THAP5: variants seen among roughly 807,000 people sequenced by gnomAD.
THAP5 encodes THAP domain-containing protein 5.
A neutral mutation model predicts 34.0 loss-of-function variants in THAP5; 26 were observed. The observed-to-expected ratio is 0.77, with a 90% confidence interval of 0.56 to 1.06. The LOEUF is 1.06. THAP5 is among the 50% of genes least tolerant of loss of function. The pLI, the probability that THAP5 is intolerant of heterozygous loss-of-function variation, is 0.00. For synonymous variants in THAP5, 125 were observed against 153.0 expected, an observed-to-expected ratio of 0.82 and a Z score of 1.35; for missense variants, 394 against 452.8, an observed-to-expected ratio of 0.87 and a Z score of 1.18.
At chr7:108,568,993 A>T in intron 1 of THAP5, 1 of 529,530 alleles carries the variant, frequency 1.9e-6, no homozygotes, top group Non-Finnish European at 2.5e-6. Context: ...AGACTAGTTT[A>T]TAATTCTGGC....
downstream of THAP5, among the ~76,000 whole-genome samples, chr7:108,551,082 T>G (rs889725810): frequency 1.3e-5 from 2 of 152,252 alleles, no homozygotes; most frequent in Non-Finnish European, 2.9e-5. Flanking sequence ...GTTTTTGTTT[T>G]CAGAAATGCA....
At chr7:108,547,783 C>G in the THAP5 span, among the ~76,000 whole-genome samples, 1 of 152,068 alleles carries the variant, frequency 6.6e-6, no homozygotes, top group Non-Finnish European at 1.5e-5. Context: ...CTAGAATAAT[C>G]GATTTTCCAT....
the THAP5 span, among the ~76,000 whole-genome samples, chr7:108,549,133 CTT>C: frequency 3.7e-4 from 51 of 137,912 alleles, 1 homozygote; most frequent in South Asian, 9.4e-4. Flanking sequence ...CACACAAGTA[CTT>C]TTTTTTTTTT....
At chr7:108,561,716 G>C (rs1293540169), downstream of THAP5, among the ~76,000 whole-genome samples, 1 of 152,168 alleles carries the variant, frequency 6.6e-6, no homozygotes, top group Admixed American at 6.5e-5. Flanking sequence ...GAAAAATACA[G>C]TAACACTGCT....
upstream of THAP5, chr7:108,569,749 C>T (rs1169833053): frequency 2.8e-5 from 22 of 784,964 alleles, no homozygotes; most frequent in South Asian, 2.7e-4. Flanking sequence ...ACCGCCTTTT[C>T]GGGGGTTGAA....
downstream of THAP5, among the ~76,000 whole-genome samples, chr7:108,552,467 T>C (rs982579024): frequency 3.3e-5 from 5 of 152,226 alleles, no homozygotes; most frequent in African/African-American, 1.2e-4. Context: ...TTGTGTTTGC[T>C]TCCTCTTTCA....
intron 1 of THAP5, among the ~76,000 whole-genome samples, chr7:108,556,937 G>A (rs907241688): frequency 6.6e-6 from 1 of 152,246 alleles, no homozygotes; most frequent in African/African-American, 2.4e-5. Context: ...TGAAATCTAG[G>A]TGGAGGCTTC....
intron 1 of THAP5, among the ~76,000 whole-genome samples, chr7:108,555,838 G>C (rs1362474692): frequency 2.6e-5 from 4 of 151,754 alleles, no homozygotes; most frequent in African/African-American, 7.3e-5. Flanking sequence ...GAGTAGTTGG[G>C]ATTACAGGCG....
At chr7:108,550,835 C>T (rs532931644), downstream of THAP5, among the ~76,000 whole-genome samples, 1 of 152,296 alleles carries the variant, frequency 6.6e-6, no homozygotes, top group East Asian at 1.9e-4. Flanking sequence ...GGCCCTGTCT[C>T]CAAATACAGT....
downstream of THAP5, among the ~76,000 whole-genome samples, chr7:108,557,648 A>C (rs1376286402): frequency 1.3e-5 from 2 of 152,196 alleles, no homozygotes; most frequent in Non-Finnish European, 2.9e-5. Context: ...CCATATCACT[A>C]TCAGCATTTT....
intron 2 of THAP5, chr7:108,565,362 T>A (rs1003482817): frequency 2.7e-4 from 72 of 264,082 alleles, no homozygotes; most frequent in African/African-American, 1.6e-3. Flanking sequence ...AGGTCAGGAG[T>A]TCAAGACCAG....
downstream of THAP5, among the ~76,000 whole-genome samples, chr7:108,552,819 C>T (rs1002544506): frequency 6.6e-6 from 1 of 151,112 alleles, no homozygotes; most frequent in Non-Finnish European, 1.5e-5. Flanking sequence ...AAAAAAATCT[C>T]TTTACCGTTG....
Position 108,562,408 on chromosome 7 carries a change from CTT to C in THAP5, c.*1781_*1782del, listed in dbSNP as rs1211831211. 1 of 152,156 alleles carries C rather than the reference CTT, an allele frequency of 6.6e-6. No homozygotes were observed. The highest frequency in any genetic ancestry group is 1.5e-5 in the Non-Finnish European group (1 of 68,016). 9.4% of individuals were successfully genotyped at this position (152,156 alleles called of 1,614,324 possible). On this transcript the variant is annotated 3_prime_UTR_variant, in exon 3 of 3. Coordinates refer to ENST00000415914, the MANE Select transcript of THAP5 (RefSeq NM_001130475.3). ...CATCGTCACCTAAGACATTTCTAAT[CTT>C]TTATAATTAGTTGACTCACTTTCAT...
downstream of THAP5, among the ~76,000 whole-genome samples, chr7:108,558,381 G>GTGTATATA (rs1321603472): frequency 3.7e-3 from 349 of 93,846 alleles, 7 homozygotes; most frequent in Non-Finnish European, 5.5e-3. Flanking sequence ...GTGTGTGTAT[G>GTGTATATA]TATATATATA....
At chr7:108,544,479 C>T in the THAP5 span, among the ~76,000 whole-genome samples, 1 of 150,902 alleles carries the variant, frequency 6.6e-6, no homozygotes, top group South Asian at 2.1e-4. Context: ...TGCAGAGAGC[C>T]GAGATCGCGC....
At chr7:108,569,031 A>C in intron 1 of THAP5, 1 of 885,028 alleles carries the variant, frequency 1.1e-6, no homozygotes, top group Non-Finnish European at 1.4e-6. Flanking sequence ...AAGGTCGGTT[A>C]CCTAATCATT....
the THAP5 span, among the ~76,000 whole-genome samples, chr7:108,545,532 A>C: frequency 6.6e-6 from 1 of 152,238 alleles, no homozygotes; most frequent in Admixed American, 6.5e-5. Flanking sequence ...GTAGAGCTTA[A>C]GCTTCATAGA....
In THAP5 at chr7:108,569,592, A is replaced by G. The variant is rs1314874528; in HGVS notation, c.-23T>C. ...CATGACTCGGGTGAGGCCCCTGGAG[A>G]CCGGGGCCGGCGACGGATGCAGGGC... On this transcript the variant is annotated 5_prime_UTR_variant, in exon 1 of 3. Coordinates refer to ENST00000415914, the MANE Select transcript of THAP5 (RefSeq NM_001130475.3). 6.5e-7 allele frequency: 1 copy of G among 1,550,326 alleles called. No individual in the cohort carries two copies. The highest frequency in any genetic ancestry group is 8.7e-7 in the Non-Finnish European group (1 of 1,146,976).
chr7:108,556,276 A>C (rs1467228518), intron 1 of THAP5, among the ~76,000 whole-genome samples: 3 of 152,160 alleles, frequency 2.0e-5, no homozygotes, highest in Non-Finnish European at 4.4e-5. Flanking sequence ...AGACACAATC[A>C]TGCCTTCCCA....
Sources: allele counts gnomAD v4.1 joint callset (sites outside exome capture counted in the v4.1 genomes callset), GRCh38; gene constraint gnomAD v4.1.1; transcripts MANE v1.5; gene names NCBI Gene and HGNC (gene_info 2026-07-23, HGNC 2026-07-21).